DOCK2: variants seen among roughly 807,000 people sequenced by gnomAD.
DOCK2 encodes dedicator of cytokinesis 2, also known as dedicator of cytokinesis protein 2.
In DOCK2, 87 loss-of-function variants were observed where a neutral mutation model predicts 248.9. The observed-to-expected ratio is 0.35, with a 90% CI of 0.29 to 0.42. DOCK2 has a LOEUF of 0.42. Among genes scored for constraint, DOCK2 ranks in the 10% least tolerant of loss-of-function variants. The pLI is 1.00. For synonymous variants in DOCK2, 805 were observed against 821.6 expected, an observed-to-expected ratio of 0.98 and a Z score of 0.35; for missense variants, 1,747 against 2,300.2, an observed-to-expected ratio of 0.76 and a Z score of 4.92.
chr5:169,934,825 T>G (rs1226228382), intron 27 of DOCK2: 1 of 426,010 alleles, frequency 2.3e-6, no homozygotes, highest in African/African-American at 2.0e-5. Context: ...TTGATTGTAG[T>G]GTCATCTGCA....
intron 25 of DOCK2, among the ~76,000 whole-genome samples, chr5:169,791,973 C>T (rs910749090): frequency 1.2e-4 from 18 of 152,038 alleles, no homozygotes; most frequent in African/African-American, 4.1e-4. Flanking sequence ...GAGTATGTGA[C>T]CATGGACTAG....
chr5:169,699,713 TA>T (rs1760849775), intron 12 of DOCK2, among the ~76,000 whole-genome samples: 1 of 152,238 alleles, frequency 6.6e-6, no homozygotes, highest in African/African-American at 2.4e-5. Flanking sequence ...GGCACTTTAA[TA>T]AGTTACCTTG....
intron 27 of DOCK2, among the ~76,000 whole-genome samples, chr5:169,932,149 G>A (rs1775785422): frequency 6.6e-6 from 1 of 152,170 alleles, no homozygotes; most frequent in Admixed American, 6.5e-5. Flanking sequence ...ATATGATGGA[G>A]GTGACAGAAG....
intron 13 of DOCK2, 24 bp from the exon 14 acceptor site, chr5:169,702,277 CTT>C: frequency 6.2e-7 from 1 of 1,612,054 alleles, no homozygotes; most frequent in South Asian, 1.1e-5. Flanking sequence ...CACACTAACT[CTT>C]GTCTCTCTCT....
intron 34 of DOCK2, among the ~76,000 whole-genome samples, chr5:170,029,607 G>C (rs1052769706): frequency 6.6e-6 from 1 of 152,156 alleles, no homozygotes; most frequent in South Asian, 2.1e-4. Flanking sequence ...TCCAGGACTT[G>C]CTCCCAGTTT....
rs997416874 is a variant in DOCK2 at position 169,714,307 on chromosome 5, T to C, written c.1844-53T>C. On this transcript the variant is annotated intron_variant, in intron 18 of 51. Transcript: ENST00000520908. ...GCTTGCAGACCCAAGGAGGTCCTGA[T>C]ATGGACAGTTAGGCCAGTAATGATA... The C allele has an allele frequency of 4.2e-5, 68 of 1,613,282 alleles. 2 individuals carry two copies. In the South Asian group the frequency reaches 7.3e-4, roughly 17 times the overall value.
At chr5:169,862,754 C>T (rs1771285307) in intron 27 of DOCK2, among the ~76,000 whole-genome samples, 1 of 152,220 alleles carries the variant, frequency 6.6e-6, no homozygotes. Flanking sequence ...GCTTTGTTCA[C>T]TGCATCACTA....
At chr5:170,033,756 G>A (rs1007383590) in intron 34 of DOCK2, among the ~76,000 whole-genome samples, 3 of 152,196 alleles carry the variant, frequency 2.0e-5, no homozygotes, top group Non-Finnish European at 4.4e-5. Flanking sequence ...GCCATGCTAA[G>A]CTCTATGTTA....
At chr5:169,922,259 T>C (rs1453767562) in intron 27 of DOCK2, among the ~76,000 whole-genome samples, 1 of 152,228 alleles carries the variant, frequency 6.6e-6, no homozygotes, top group Non-Finnish European at 1.5e-5. Flanking sequence ...ATGAATTATC[T>C]CATCTTATGG....
chr5:169,919,247 C>T (rs940218408), intron 27 of DOCK2, among the ~76,000 whole-genome samples: 1 of 152,290 alleles, frequency 6.6e-6, no homozygotes, highest in South Asian at 2.1e-4. Context: ...CAGGGTCACA[C>T]CATCGATATG....
chr5:169,940,268 C>T (rs1372226603), intron 27 of DOCK2, among the ~76,000 whole-genome samples: 1 of 152,200 alleles, frequency 6.6e-6, no homozygotes, highest in Non-Finnish European at 1.5e-5. Flanking sequence ...AGACTCTGAT[C>T]ACTCTCAACC....
At chr5:169,835,762 T>C (rs1208717137) in intron 26 of DOCK2, among the ~76,000 whole-genome samples, 2 of 151,854 alleles carry the variant, frequency 1.3e-5, no homozygotes, top group African/African-American at 4.8e-5. Flanking sequence ...GGTTTGGATT[T>C]TTTTTTTTCT....
At position 169,694,400 on chromosome 5, in the gene DOCK2, G is replaced by A. The variant is rs1760486364; in HGVS notation, c.844-1403G>A. ...TGAAGCTTTTAGATTCGAGCATGAAGTCAGGAGTTTCCTCCTGCATGCCTT... is the reference window on the plus strand; with the variant it reads ...TGAAGCTTTTAGATTCGAGCATGAAATCAGGAGTTTCCTCCTGCATGCCTT... On this transcript the variant is annotated intron_variant, in intron 9 of 51. Coordinates refer to ENST00000520908, the MANE Select transcript of DOCK2 (RefSeq NM_004946.3). 2.0e-5 allele frequency among the ~76,000 whole-genome samples: 3 copies of A among 152,326 alleles called. No individual in the cohort carries two copies. In the South Asian group the frequency reaches 6.2e-4, roughly 32 times the overall value.
intron 27 of DOCK2, among the ~76,000 whole-genome samples, chr5:169,978,822 G>T (rs1172127382): frequency 1.3e-5 from 2 of 152,178 alleles, no homozygotes; most frequent in Non-Finnish European, 2.9e-5. Context: ...TGCCTGCGAT[G>T]ATTGCACTTA....
intron 23 of DOCK2, among the ~76,000 whole-genome samples, chr5:169,747,774 A>T (rs155237): frequency 0.12 from 18,152 of 152,216 alleles, 1,447 homozygotes; most frequent in African/African-American, 0.22. Context: ...TCCACTTCCA[A>T]TGGAGAGAAC....
intron 21 of DOCK2, among the ~76,000 whole-genome samples, chr5:169,717,893 C>G (rs2113554576): frequency 6.6e-6 from 1 of 152,248 alleles, no homozygotes; most frequent in East Asian, 1.9e-4. Flanking sequence ...GAAACCCTGT[C>G]TCTACTAAAA....
intron 32 of DOCK2, among the ~76,000 whole-genome samples, chr5:170,012,297 T>C (rs1013877353): frequency 3.3e-5 from 5 of 150,710 alleles, no homozygotes; most frequent in Admixed American, 2.6e-4. Flanking sequence ...TTTTTCAAAG[T>C]GTATGCATAT....
At chr5:170,015,400 G>A (rs763327453) in intron 32 of DOCK2, among the ~76,000 whole-genome samples, 5 of 152,128 alleles carry the variant, frequency 3.3e-5, no homozygotes, top group African/African-American at 4.8e-5. Context: ...AAGACTCTAC[G>A]GGGCCTGGAA....
At chr5:169,911,439 A>T (rs1774593639) in intron 27 of DOCK2, among the ~76,000 whole-genome samples, 1 of 152,204 alleles carries the variant, frequency 6.6e-6, no homozygotes, top group Non-Finnish European at 1.5e-5. Context: ...ACTGAGCTGT[A>T]CATAAGATTG....
Sources: gnomAD v4.1 joint callset for allele counts (sites outside exome capture counted in the v4.1 genomes callset) on GRCh38, gnomAD v4.1.1 for gene constraint, MANE v1.5 for transcripts, NCBI Gene and HGNC (gene_info 2026-07-23, HGNC 2026-07-21) for gene names.